Variants in EGFR observed in about 807,000 individuals in gnomAD.
The protein encoded by EGFR is epidermal growth factor receptor.
EGFR carries 58 observed loss-of-function variants against 143.0 expected under a neutral mutation model. The observed-to-expected ratio is 0.41, with a 90% CI of 0.33 to 0.50. EGFR has a LOEUF of 0.50. Among genes scored for constraint, EGFR ranks in the 20% least tolerant of loss-of-function variants. The probability of loss-of-function intolerance (pLI) is 0.39; values close to 1 mark genes in which losing one functional copy is unlikely to be tolerated. For synonymous variants in EGFR, 613 were observed against 594.4 expected (o/e 1.03, Z -0.45); for missense variants, 1,307 against 1,579.0 (o/e 0.83, Z 2.92).
chr7:55,092,820 C>T (rs1791211630), intron 1 of EGFR, among the ~76,000 whole-genome samples: 2 of 152,374 alleles, frequency 1.3e-5, no homozygotes, highest in South Asian at 4.1e-4. Flanking sequence ...GGCACCGTAT[C>T]TCCAGCAATT....
chr7:55,174,150 C>G (rs1786486861), intron 18 of EGFR, 107 bp downstream of exon 18: 1 of 1,467,896 alleles, frequency 6.8e-7, no homozygotes, highest in Non-Finnish European at 9.2e-7. Flanking sequence ...CTACTTTACT[C>G]TTTGTTTCAC....
chr7:55,191,720 GCATGA>G lies in EGFR; in HGVS notation c.2472_2476del (p.Met825LeufsTer70). 1 of 1,613,732 alleles carries G rather than the reference GCATGA, an allele frequency of 6.2e-7. No homozygotes were observed. The highest frequency in any genetic ancestry group is 8.5e-7 in the Non-Finnish European group (1 of 1,179,974). On this transcript the variant is annotated frameshift_variant and splice_region_variant, in exon 21 of 28. Transcript: ENST00000275493. LOFTEE classifies it high-confidence loss of function. ...ACAGCAGGGTCTTCTCTGTTTCAGG[GCATGA>G]ACTACTTGGAGGACCGTCGCTTGGT... is the stretch of plus-strand genomic sequence containing the variant.
intron 1 of EGFR, among the ~76,000 whole-genome samples, chr7:55,039,815 G>C (rs1787799872): frequency 6.6e-6 from 1 of 152,234 alleles, no homozygotes; most frequent in South Asian, 2.1e-4. Context: ...AGCACACCAG[G>C]AATCTCTTCT....
At position 55,163,867 on chromosome 7, in the gene EGFR, G is replaced by A. The variant is rs781377953; in HGVS notation, c.1722+44G>A. On this transcript the variant is annotated intron_variant, in intron 14 of 27. Transcript: ENST00000275493. Reference sequence around the variant, plus strand: ...TATCCACGTCCATTTCATGGGAAGGGCCTTCACAGAAGCCGAACAGTGATG... The same window carrying A: ...TATCCACGTCCATTTCATGGGAAGGACCTTCACAGAAGCCGAACAGTGATG... 8.1e-6 allele frequency: 13 copies of A among 1,603,690 alleles called. No individual in the cohort carries two copies. The South Asian group carries it at 9.9e-5, about 12-fold the overall frequency.
At chr7:55,077,957 G>A (rs1562694335) in intron 1 of EGFR, among the ~76,000 whole-genome samples, 1 of 152,188 alleles carries the variant, frequency 6.6e-6, no homozygotes, top group Non-Finnish European at 1.5e-5. Context: ...CTGCACCAGG[G>A]AGACGCTATC....
In EGFR at chr7:55,190,316, C is replaced by T. The variant is rs576011675; in HGVS notation, c.2470-1403C>T. Among the ~76,000 whole-genome samples the T allele has an allele frequency of 3.0e-4, 45 of 152,182 alleles. 1 individual carries two copies. In the South Asian group the frequency reaches 8.3e-3, roughly 28 times the overall value. The stretch of plus-strand genomic sequence containing the variant: ...GGGGACAGTCCATGTAGTCATGAGA[C>T]GTGGGTGTCAGGCAAGCGTCTCTTT... On this transcript the variant is annotated intron_variant, in intron 20 of 27. Coordinates refer to ENST00000275493, the MANE Select transcript of EGFR (RefSeq NM_005228.5).
At chr7:55,042,767 G>A (rs113558289) in intron 1 of EGFR, among the ~76,000 whole-genome samples, 5,794 of 152,164 alleles carry the variant, frequency 0.038, 200 homozygotes, top group South Asian at 0.13. Context: ...GCGGTCCCAC[G>A]TGAGGCTGGA....
chr7:55,134,905 G>A (rs17172446), intron 1 of EGFR, among the ~76,000 whole-genome samples: 36,372 of 151,978 alleles, frequency 0.24, 4,642 homozygotes, highest in Admixed American at 0.29. Context: ...GAAATTCGCC[G>A]AGCTGGCCCC....
intron 1 of EGFR, among the ~76,000 whole-genome samples, chr7:55,140,165 C>T (rs1216562087): frequency 6.6e-6 from 1 of 151,846 alleles, no homozygotes; most frequent in East Asian, 1.9e-4. Flanking sequence ...GCATGTTTTC[C>T]TTTATTTTAC....
intron 1 of EGFR, among the ~76,000 whole-genome samples, chr7:55,095,651 C>CA (rs1791416426): frequency 6.6e-6 from 1 of 152,024 alleles, no homozygotes. Flanking sequence ...CACAGAGTTA[C>CA]ACACAGACAT....
rs558781487 is a variant in EGFR, at chr7:55,092,361, T to C, written c.89-49925T>C. ...GGTTGAACATTTGCCTTAATTACTT[T>C]GGCAAGATTTGCATCAGTGGTATTA... On this transcript the variant is annotated intron_variant, in intron 1 of 27. Transcript: ENST00000275493. 1.2e-4 allele frequency among the ~76,000 whole-genome samples: 18 copies of C among 152,324 alleles called. No individual in the cohort carries two copies. In the East Asian group the frequency reaches 3.5e-3, roughly 29 times the overall value.
chr7:55,205,366 C>A lies in EGFR; in HGVS notation c.3382C>A (p.Pro1128Thr). ...APSRDPHYQD[P>T]HSTAVGNPEY... ...CAGCAGAGACCCACACTACCAGGAC[C>A]CCCACAGCACTGCAGTGGGCAACCC... Residue 1128 changes from proline to threonine, a missense_variant, in exon 28 of 28, where the codon CCC (proline) becomes ACC (threonine). Pro to Thr is a conservative substitution (Grantham distance 38). Transcript: ENST00000275493. 1 of 1,613,600 alleles carries A rather than the reference C, an allele frequency of 6.2e-7. No homozygotes were observed. The highest frequency in any genetic ancestry group is 8.5e-7 in the Non-Finnish European group (1 of 1,179,544).
In EGFR at chr7:55,152,656, G is replaced by C. The variant is rs780001754; in HGVS notation, c.739G>C (p.Asp247His). ...AGGCTGCACAGGCCCCCGGGAGAGCGACTGCCTGGTAAGATGCCCCTCCAG... is the reference window on the plus strand; with the variant it reads ...AGGCTGCACAGGCCCCCGGGAGAGCCACTGCCTGGTAAGATGCCCCTCCAG... Reference protein sequence around the residue: ...AAGCTGPRESDCLVCRKFRDE... With the variant: ...AAGCTGPRESHCLVCRKFRDE... Residue 247 changes from aspartate (D) to histidine (H), a missense_variant, in exon 6 of 28, where the codon GAC becomes CAC. Physicochemically the swap from Asp to His is moderately conservative, Grantham distance 81 (BLOSUM62 -1). This residue lies in a region of EGFR where 311 missense variants were observed against 412.3 expected (regional missense o/e 0.75). Coordinates refer to ENST00000275493, the MANE Select transcript of EGFR (RefSeq NM_005228.5). 6 of 1,613,412 alleles carry C rather than the reference G, an allele frequency of 3.7e-6. No homozygotes were observed. In the East Asian group the frequency reaches 1.3e-4, roughly 36 times the overall value.
chr7:55,082,184 T>C (rs1790501587), intron 1 of EGFR, among the ~76,000 whole-genome samples: 1 of 152,192 alleles, frequency 6.6e-6, no homozygotes, highest in Non-Finnish European at 1.5e-5. Context: ...TACCAAGTGA[T>C]ATCAGGATGA....
At chr7:55,204,698 C>T (rs2128974662) in intron 27 of EGFR, among the ~76,000 whole-genome samples, 1 of 133,690 alleles carries the variant, frequency 7.5e-6, no homozygotes, top group Admixed American at 7.7e-5. Flanking sequence ...CACAGACACA[C>T]ATAGACACAC....
intron 1 of EGFR, among the ~76,000 whole-genome samples, chr7:55,116,120 A>C (rs1452046447): frequency 1.3e-5 from 2 of 152,216 alleles, no homozygotes; most frequent in Admixed American, 1.3e-4. Flanking sequence ...TGGGAATCGA[A>C]AGATTCTCCT....
intron 15 of EGFR, among the ~76,000 whole-genome samples, chr7:55,166,833 C>T (rs1467284085): frequency 1.8e-4 from 10 of 56,276 alleles, no homozygotes; most frequent in South Asian, 8.4e-4. Context: ...ACAATGGTGG[C>T]AGTGTTGGTG....
At chr7:55,123,172 G>A (rs10258683) in intron 1 of EGFR, among the ~76,000 whole-genome samples, 22,430 of 152,128 alleles carry the variant, frequency 0.15, 2,029 homozygotes, top group African/African-American at 0.24. Context: ...ATCAGGTTGT[G>A]TATTAAATAT....
intron 20 of EGFR, among the ~76,000 whole-genome samples, chr7:55,188,268 A>G (rs1373038354): frequency 6.6e-6 from 1 of 152,036 alleles, no homozygotes; most frequent in Non-Finnish European, 1.5e-5. Flanking sequence ...AGATTTACAA[A>G]ATAGAACACA....
Sources: allele counts gnomAD v4.1 joint callset (sites outside exome capture counted in the v4.1 genomes callset), GRCh38; gene constraint gnomAD v4.1.1; regional missense constraint gnomAD v4.1.1; transcripts MANE v1.5; gene names NCBI Gene and HGNC (gene_info 2026-07-23, HGNC 2026-07-21).